The following SCNN1B variants were observed in gnomAD, a reference collection of about 807,000 sequenced individuals.
SCNN1B encodes sodium channel epithelial 1 subunit beta.
Under a neutral mutation model 65.3 loss-of-function variants are expected in SCNN1B, and 46 were observed. The ratio of observed to expected loss-of-function variants is 0.70; its 90% CI spans 0.56 to 0.90. The LOEUF (loss-of-function observed/expected upper bound fraction) is 0.90. Ranked by LOEUF, SCNN1B falls within the 40% of genes least tolerant of loss-of-function variation. The pLI, the probability that SCNN1B is intolerant of heterozygous loss-of-function variation, is 0.00. For synonymous variants in SCNN1B, 349 were observed against 330.6 expected (o/e 1.06, Z -0.60); for missense variants, 751 against 830.5 (o/e 0.90, Z 1.18).
upstream of SCNN1B, among the ~76,000 whole-genome samples, chr16:23,301,757 G>A (rs1402012506): frequency 6.6e-6 from 1 of 152,166 alleles, no homozygotes; most frequent in Non-Finnish European, 1.5e-5. Context: ...GCAAAGATAG[G>A]ACCTATCGGG....
At chr16:23,323,825 G>T (rs1961637492) in intron 1 of SCNN1B, among the ~76,000 whole-genome samples, 1 of 152,174 alleles carries the variant, frequency 6.6e-6, no homozygotes, top group African/African-American at 2.4e-5. Context: ...TCAGGGAAGT[G>T]CAGGCCAAAG....
At chr16:23,370,145 G>T (rs767749499) in intron 5 of SCNN1B, among the ~76,000 whole-genome samples, 1 of 151,898 alleles carries the variant, frequency 6.6e-6, no homozygotes, top group Non-Finnish European at 1.5e-5. Context: ...TTGCTCTGTC[G>T]TCCTGGCTGC....
chr16:23,378,768 G>GTGAGCC lies in SCNN1B; in HGVS notation c.1466+10_1466+15dup, dbSNP rs1567320212. On this transcript the variant is annotated splice_donor_variant, in intron 11 of 12. Transcript: ENST00000343070. LOFTEE classifies it high-confidence loss of function. Reference sequence around the variant, plus strand: ...AAAGCACCAATATCACCCTGAGCAGGTGAGCCTGAGCCTGGGCGGGGCTGG... The same window carrying GTGAGCC: ...AAAGCACCAATATCACCCTGAGCAGGTGAGCCTGAGCCTGAGCCTGGGCGGGGCTGG... 1 of 1,614,090 alleles carries GTGAGCC rather than the reference G, an allele frequency of 6.2e-7. No individual in the cohort carries two copies. The highest frequency in any genetic ancestry group is 8.5e-7 in the Non-Finnish European group (1 of 1,179,956).
chr16:23,297,535 T>C (rs78960702), upstream of SCNN1B, among the ~76,000 whole-genome samples: 24,381 of 152,112 alleles, frequency 0.16, 2,814 homozygotes, highest in East Asian at 0.32. Flanking sequence ...CGGGACCTAG[T>C]TTCTCTTTGT....
At chr16:23,343,309 G>A (rs761645906) in intron 1 of SCNN1B, among the ~76,000 whole-genome samples, 24 of 151,754 alleles carry the variant, frequency 1.6e-4, no homozygotes, top group Non-Finnish European at 2.2e-4. Flanking sequence ...AAAATTAGCC[G>A]GGCGTGGTGG....
chr16:23,356,181 G>C (rs1024709513), intron 4 of SCNN1B, among the ~76,000 whole-genome samples: 1 of 152,200 alleles, frequency 6.6e-6, no homozygotes, highest in Admixed American at 6.5e-5. Flanking sequence ...GCAGCTGGGG[G>C]TGGGTGCACC....
chr16:23,294,262 G>A (rs1273262290), intron 2 of SCNN1B, among the ~76,000 whole-genome samples: 11 of 152,050 alleles, frequency 7.2e-5, no homozygotes, highest in Non-Finnish European at 1.5e-4. Flanking sequence ...CACGCGAGAT[G>A]GCGTGCAACC....
At chr16:23,349,992 T>C (rs2142017520) in intron 2 of SCNN1B, among the ~76,000 whole-genome samples, 1 of 151,718 alleles carries the variant, frequency 6.6e-6, no homozygotes, top group South Asian at 2.1e-4. Context: ...GCACGAGAAT[T>C]GCTTGACCCC....
At chr16:23,301,410 A>T (rs1961080825), upstream of SCNN1B, among the ~76,000 whole-genome samples, 5 of 147,422 alleles carry the variant, frequency 3.4e-5, no homozygotes, top group South Asian at 1.1e-3. Context: ...GGAGGGAGGG[A>T]GGTGGAGAGA....
At chr16:23,376,375 C>CACG (rs973574480) in intron 8 of SCNN1B, among the ~76,000 whole-genome samples, 8 of 148,298 alleles carry the variant, frequency 5.4e-5, no homozygotes, top group Admixed American at 5.3e-4. Context: ...TGTGTGTGTG[C>CACG]ACGTGCATGT....
chr16:23,292,987 T>C (rs11642411), intron 2 of SCNN1B, among the ~76,000 whole-genome samples: 19,074 of 150,560 alleles, frequency 0.13, 2,973 homozygotes, highest in African/African-American at 0.37. Flanking sequence ...TGGTGCTGGG[T>C]GCCTGTAATC....
At chr16:23,372,868 A>G (rs1330913503) in intron 7 of SCNN1B, among the ~76,000 whole-genome samples, 1 of 149,298 alleles carries the variant, frequency 6.7e-6, no homozygotes, top group Non-Finnish European at 1.5e-5. Flanking sequence ...GGGAGTGCGA[A>G]GCGGGTACAT....
intron 4 of SCNN1B, among the ~76,000 whole-genome samples, chr16:23,363,641 C>G (rs538259793): frequency 6.6e-6 from 1 of 151,804 alleles, no homozygotes; most frequent in South Asian, 2.1e-4. Context: ...AGCAAGACCC[C>G]ATCTCCACAA....
At chr16:23,333,744 G>T (rs533396137) in intron 1 of SCNN1B, among the ~76,000 whole-genome samples, 1 of 152,072 alleles carries the variant, frequency 6.6e-6, no homozygotes, top group Non-Finnish European at 1.5e-5. Context: ...GGCCAAGGTG[G>T]GGGGATTGCT....
chr16:23,351,158 G>T (rs1962300836), intron 2 of SCNN1B, among the ~76,000 whole-genome samples: 1 of 152,056 alleles, frequency 6.6e-6, no homozygotes, highest in African/African-American at 2.4e-5. Flanking sequence ...TATTAATAGG[G>T]TTCTTCCTGC....
Position 23,352,934 on chromosome 16 carries a change from C to T in SCNN1B, c.445C>T (p.Pro149Ser). The change falls in exon 3 of 13, where the codon CCC (proline) becomes TCC (serine). Residue 149 changes from proline to serine, a missense_variant. Transcript: ENST00000343070. The stretch of plus-strand genomic sequence containing the variant: ...GAACTTCTCCATCTGGAACCACACA[C>T]CCCTGGTCCTTATTGATGAACGGAA... ...NLNFSIWNHT[P>S]LVLIDERNPH... 8.7e-6 allele frequency: 14 copies of T among 1,614,184 alleles called. No individual in the cohort carries two copies. Among genetic ancestry groups the T allele is most frequent in the Non-Finnish European group, 1.2e-5 (14 of 1,180,042 alleles).
intron 1 of SCNN1B, among the ~76,000 whole-genome samples, chr16:23,279,985 C>T (rs2141965927): frequency 6.6e-6 from 1 of 152,272 alleles, no homozygotes; most frequent in Middle Eastern, 3.4e-3. Flanking sequence ...AGAAGGAATG[C>T]ACCTGGTTTG....
chr16:23,380,311 G>A lies in SCNN1B; in HGVS notation c.1543-110G>A. 2 of 1,560,160 alleles carry A rather than the reference G, an allele frequency of 1.3e-6. No individual in the cohort carries two copies. Among genetic ancestry groups the A allele is most frequent in the East Asian group, 2.2e-5 (1 of 44,598 alleles). On this transcript the variant is annotated intron_variant, in intron 12 of 12. Transcript: ENST00000343070. This position sits in a 1 kb window ranked among gnomAD's most constrained non-coding sequence, Gnocchi z 5.4. ...CCAAGTTATTCCCCTGGGCCAAGATGGTCACCCCCTCCCGTTCCCACCCAA... is the reference window on the plus strand; with the variant it reads ...CCAAGTTATTCCCCTGGGCCAAGATAGTCACCCCCTCCCGTTCCCACCCAA...
chr16:23,368,010 C>G, intron 5 of SCNN1B, 51 bp downstream of exon 5: 1 of 1,372,052 alleles, frequency 7.3e-7, no homozygotes, highest in Non-Finnish European at 1.0e-6. Flanking sequence ...TAACCACCCC[C>G]ACAATGTGGG....
Sources: gnomAD v4.1 joint callset for allele counts (sites outside exome capture counted in the v4.1 genomes callset) on GRCh38, gnomAD v4.1.1 for gene constraint, Gnocchi (gnomAD v3.1) non-coding constraint, MANE v1.5 for transcripts, NCBI Gene and HGNC (gene_info 2026-07-23, HGNC 2026-07-21) for gene names.